Variants in CCDC91 observed in about 807,000 individuals in gnomAD.
The protein encoded by CCDC91 is coiled-coil domain containing 91, also known as coiled-coil domain-containing protein 91.
A neutral mutation model predicts 63.2 loss-of-function variants in CCDC91; 48 were observed. The observed-to-expected ratio is 0.76, with a 90% CI of 0.60 to 0.97. CCDC91 has a LOEUF of 0.97. Among genes scored for constraint, CCDC91 ranks in the 50% least tolerant of loss-of-function variants. The probability of loss-of-function intolerance (pLI) is 0.00; values close to 1 mark genes in which losing one functional copy is unlikely to be tolerated. For synonymous variants in CCDC91, 167 were observed against 165.8 expected, an observed-to-expected ratio of 1.01 and a Z score of -0.06; for missense variants, 500 against 494.6, an observed-to-expected ratio of 1.01 and a Z score of -0.10.
chr12:28,306,754 A>C lies in CCDC91; in HGVS notation c.280A>C (p.Thr94Pro), dbSNP rs549314008. Reference protein sequence around the residue: ...TIPKAQIQQSTHTHLDISLFP... With the variant: ...TIPKAQIQQSPHTHLDISLFP... ...TTATGTGGTTTAGATTCAGCAATCA[A>C]CACACACTCATCTGGATATCTCACT... The change falls in exon 5 of 13, where the codon ACA (threonine) becomes CCA (proline). Residue 94 changes from threonine (T) to proline (P), a missense_variant. Physicochemically the swap from Thr to Pro is conservative, Grantham distance 38. Coordinates refer to ENST00000536442, the MANE Select transcript of CCDC91 (RefSeq NM_018318.5). 76 of 1,609,406 alleles carry C rather than the reference A, an allele frequency of 4.7e-5. No individual in the cohort carries two copies. Among genetic ancestry groups the C allele is most frequent in the Non-Finnish European group, 6.3e-5 (74 of 1,177,262 alleles).
chr12:28,329,665 G>A lies in CCDC91; in HGVS notation c.576+21916G>A, dbSNP rs572319902. On this transcript the variant is annotated intron_variant, in intron 6 of 12. Transcript: ENST00000536442. Reference sequence around the variant, plus strand: ...AAGTTCTAGGGTACATGTGCACAACGCGCAGGTTTGTTACATAGGTATACA... The same window carrying A: ...AAGTTCTAGGGTACATGTGCACAACACGCAGGTTTGTTACATAGGTATACA... Among the ~76,000 whole-genome samples the A allele has an allele frequency of 5.1e-4, 77 of 151,902 alleles. No individual in the cohort carries two copies. In the Middle Eastern group the frequency reaches 0.017, roughly 34 times the overall value.
At chr12:28,474,773 G>GAA (rs146240784) in intron 11 of CCDC91, among the ~76,000 whole-genome samples, 6 of 146,210 alleles carry the variant, frequency 4.1e-5, no homozygotes, top group South Asian at 2.2e-4. Flanking sequence ...ACATGAAAAA[G>GAA]AAAAAAAAAA....
chr12:28,464,882 C>G (rs1189042565), intron 11 of CCDC91, among the ~76,000 whole-genome samples: 2 of 152,124 alleles, frequency 1.3e-5, no homozygotes, highest in Non-Finnish European at 2.9e-5. Context: ...ACCAAGTAGA[C>G]CCCTAGGGTC....
In CCDC91 at chr12:28,452,511, A is replaced by AT; in HGVS notation, c.958_959insT (p.Lys320IlefsTer16). 6.3e-7 allele frequency: 1 copy of AT among 1,582,612 alleles called. No individual in the cohort carries two copies. The highest frequency in any genetic ancestry group is 8.6e-7 in the Non-Finnish European group (1 of 1,165,134). The stretch of plus-strand genomic sequence containing the variant: ...AGAAGCAGTGAAGGATGCAGTTTTA[A>AT]AAGTCGTAGAAGAAGAAAGAAAAAA... On this transcript the variant is annotated frameshift_variant, in exon 11 of 13. Coordinates refer to ENST00000536442, the MANE Select transcript of CCDC91 (RefSeq NM_018318.5). LOFTEE classifies it high-confidence loss of function.
intron 12 of CCDC91, among the ~76,000 whole-genome samples, chr12:28,522,105 T>C (rs1381890632): frequency 6.6e-6 from 1 of 152,124 alleles, no homozygotes; most frequent in Non-Finnish European, 1.5e-5. Flanking sequence ...TTAGGGAGGA[T>C]TCCCTCTTTT....
chr12:28,200,995 C>T (rs1395198515), intron 1 of CCDC91, among the ~76,000 whole-genome samples: 18 of 127,052 alleles, frequency 1.4e-4, no homozygotes, highest in South Asian at 2.3e-4. Context: ...GCTGGCCGGG[C>T]GGGGGGCTGA....
intron 6 of CCDC91, among the ~76,000 whole-genome samples, chr12:28,348,498 C>T (rs1942967223): frequency 6.6e-6 from 1 of 152,186 alleles, no homozygotes; most frequent in Admixed American, 6.5e-5. Context: ...GAAAGGAGTT[C>T]TGATGAGCAT....
intron 11 of CCDC91, among the ~76,000 whole-genome samples, chr12:28,476,835 T>G (rs1330649758): frequency 2.6e-5 from 4 of 152,108 alleles, no homozygotes; most frequent in African/African-American, 9.7e-5. Flanking sequence ...GAGGATACTA[T>G]AAACACCTCT....
At chr12:28,259,303 T>A in intron 2 of CCDC91, 61 bp from the exon 3 acceptor site, 1 of 1,198,666 alleles carries the variant, frequency 8.3e-7, no homozygotes, top group Admixed American at 1.7e-5. Flanking sequence ...GAATGCTTGA[T>A]CACTTAAATA....
intron 12 of CCDC91, among the ~76,000 whole-genome samples, chr12:28,523,907 C>G (rs893797247): frequency 3.3e-5 from 5 of 152,196 alleles, no homozygotes; most frequent in Admixed American, 1.3e-4. Flanking sequence ...TTAGCCCCCA[C>G]TCTATTCTGG....
At chr12:28,391,268 G>C (rs1173929933) in intron 7 of CCDC91, 36 bp from the exon 8 acceptor site, 1 of 1,299,790 alleles carries the variant, frequency 7.7e-7, no homozygotes, top group Admixed American at 1.7e-5. Context: ...CCCAAGTTTT[G>C]TCTGTGATCC....
At chr12:28,523,834 A>AG (rs758761313) in intron 12 of CCDC91, among the ~76,000 whole-genome samples, 216 of 152,230 alleles carry the variant, frequency 1.4e-3, no homozygotes, top group Admixed American at 4.5e-3. Flanking sequence ...TCACTTATGA[A>AG]GCTTAGTTTG....
At chr12:28,543,671 G>T (rs1246230524) in intron 12 of CCDC91, among the ~76,000 whole-genome samples, 1 of 151,864 alleles carries the variant, frequency 6.6e-6, no homozygotes, top group African/African-American at 2.4e-5. Flanking sequence ...TGACGTCCAC[G>T]TTTTTATTTC....
chr12:28,431,660 TAC>T lies in CCDC91; in HGVS notation c.763-18500_763-18499del, dbSNP rs143345909. On this transcript the variant is annotated intron_variant, in intron 8 of 12. Transcript: ENST00000536442. ...ATGGAAAGTGCAGAAAGTTCCCATATACCTCCTGTCCCCCAAAGTGACCTCTC... is the reference window on the plus strand; with the variant it reads ...ATGGAAAGTGCAGAAAGTTCCCATATCTCCTGTCCCCCAAAGTGACCTCTC... Among the ~76,000 whole-genome samples the T allele has an allele frequency of 2.2e-3, 332 of 152,202 alleles. 3 individuals are homozygous for T. Among genetic ancestry groups the T allele is most frequent in the African/African-American group, 7.6e-3 (314 of 41,568 alleles).
At chr12:28,278,935 TAC>T (rs563724657) in intron 3 of CCDC91, among the ~76,000 whole-genome samples, 254 of 152,182 alleles carry the variant, frequency 1.7e-3, no homozygotes, top group African/African-American at 5.6e-3. Context: ...TATACATGCA[TAC>T]ATATTATATA....
intron 7 of CCDC91, among the ~76,000 whole-genome samples, chr12:28,373,885 A>G (rs1258287322): frequency 6.6e-6 from 1 of 152,224 alleles, no homozygotes; most frequent in South Asian, 2.1e-4. Context: ...AATGTCTGGC[A>G]TGTCCCCTGT....
intron 6 of CCDC91, among the ~76,000 whole-genome samples, chr12:28,326,729 A>G (rs965945726): frequency 1.3e-5 from 2 of 151,946 alleles, no homozygotes; most frequent in African/African-American, 4.8e-5. Context: ...AGAAAATTCC[A>G]CAGCTAATTT....
chr12:28,226,855 A>G (rs1944300830), intron 1 of CCDC91, among the ~76,000 whole-genome samples: 2 of 152,076 alleles, frequency 1.3e-5, no homozygotes, highest in African/African-American at 2.4e-5. Flanking sequence ...TGACCTTCAC[A>G]GTTTTAAGGA....
chr12:28,463,145 C>G (rs1361334648), intron 11 of CCDC91, among the ~76,000 whole-genome samples: 3 of 152,032 alleles, frequency 2.0e-5, no homozygotes, highest in African/African-American at 7.2e-5. Context: ...AGAAATATGT[C>G]AAATTTATAA....
Sources: allele counts gnomAD v4.1 joint callset (sites outside exome capture counted in the v4.1 genomes callset), GRCh38; gene constraint gnomAD v4.1.1; transcripts MANE v1.5; gene names NCBI Gene and HGNC (gene_info 2026-07-23, HGNC 2026-07-21).